TNRC6B: variants seen among roughly 807,000 people sequenced by gnomAD.
TNRC6B encodes the protein trinucleotide repeat-containing gene 6B protein.
TNRC6B carries 52 observed loss-of-function variants against 203.6 expected under a neutral mutation model. That is an observed-to-expected ratio of 0.26 (90% CI 0.20 to 0.32). The LOEUF (loss-of-function observed/expected upper bound fraction) is 0.32. Among genes scored for constraint, TNRC6B ranks in the 10% least tolerant of loss-of-function variants. The pLI is 1.00. For missense variants in TNRC6B, 1,923 were observed against 2,286.2 expected, an observed-to-expected ratio of 0.84 and a Z score of 3.24; for synonymous variants, 838 against 845.7, an observed-to-expected ratio of 0.99 and a Z score of 0.16.
At chr22:40,103,111 T>A (rs937806297) in intron 1 of TNRC6B, among the ~76,000 whole-genome samples, 1 of 150,848 alleles carries the variant, frequency 6.6e-6, no homozygotes, top group African/African-American at 2.4e-5. Context: ...ATAAATTAAT[T>A]AATTAATTTA....
chr22:40,196,045 G>A (rs987715325), intron 1 of TNRC6B, among the ~76,000 whole-genome samples: 1 of 150,148 alleles, frequency 6.7e-6, no homozygotes, highest in African/African-American at 2.5e-5. Context: ...CCAAAGTCCT[G>A]GGATTACAGG....
intron 1 of TNRC6B, among the ~76,000 whole-genome samples, chr22:40,080,174 C>T (rs550237331): frequency 4.0e-5 from 6 of 149,168 alleles, no homozygotes; most frequent in African/African-American, 1.5e-4. Context: ...GACTCTTGGC[C>T]GTAAGTGATC....
chr22:40,278,147 A>G (rs2146518926), intron 9 of TNRC6B, 103 bp downstream of exon 9: 1 of 874,494 alleles, frequency 1.1e-6, no homozygotes, highest in Non-Finnish European at 1.9e-6. Context: ...TTCAGTAGAC[A>G]TTGATTGAGC....
chr22:40,301,006 G>A lies in TNRC6B; in HGVS notation c.3936+1G>A. The A allele has an allele frequency of 6.2e-7, 1 of 1,611,658 alleles. No homozygotes were observed. The highest frequency in any genetic ancestry group is 8.5e-7 in the Non-Finnish European group (1 of 1,178,836). ...TGTACGCCAACAGCAAGAGCAGCAG[G>A]TACGTGGGTAGGCAGGGTCCCTCCA... On this transcript the variant is annotated splice_donor_variant, in intron 14 of 22. Coordinates refer to ENST00000454349, the MANE Select transcript of TNRC6B (RefSeq NM_001162501.2). LOFTEE classifies it high-confidence loss of function.
intron 1 of TNRC6B, among the ~76,000 whole-genome samples, chr22:40,203,144 ATGT>A (rs1345844576): frequency 6.6e-6 from 1 of 152,128 alleles, no homozygotes; most frequent in East Asian, 1.9e-4. Flanking sequence ...TGGTGATCAC[ATGT>A]TGGTGAGCAA....
rs2071025306 is a variant in TNRC6B at position 40,301,644 on chromosome 22, A to G, written c.4120+311A>G. 4 of 336,338 alleles carry G rather than the reference A, an allele frequency of 1.2e-5. No homozygotes were observed. The South Asian group carries it at 1.9e-4, about 16-fold the overall frequency. The allele number at this position is 336,338 out of a possible 1,614,324, so 20.8% of individuals were successfully genotyped here. On this transcript the variant is annotated intron_variant, in intron 15 of 22. Coordinates refer to ENST00000454349, the MANE Select transcript of TNRC6B (RefSeq NM_001162501.2). The stretch of plus-strand genomic sequence containing the variant: ...AACACAGTAAAGGCTCATACATGCT[A>G]TAGCACATATCAGAATTCATCCCTT...
At chr22:40,113,492 C>T (rs2068359439) in intron 1 of TNRC6B, among the ~76,000 whole-genome samples, 1 of 152,076 alleles carries the variant, frequency 6.6e-6, no homozygotes, top group African/African-American at 2.4e-5. Context: ...GTAGGTGGGA[C>T]TACAGGTGCA....
intron 1 of TNRC6B, among the ~76,000 whole-genome samples, chr22:40,099,296 A>G (rs1030909171): frequency 2.0e-5 from 3 of 152,052 alleles, no homozygotes; most frequent in African/African-American, 7.2e-5. Flanking sequence ...TAAGGAATAT[A>G]TAGCTTCCTG....
chr22:40,276,962 G>A, intron 7 of TNRC6B, 115 bp from the exon 8 acceptor site: 1 of 616,818 alleles, frequency 1.6e-6, no homozygotes, highest in Non-Finnish European at 2.6e-6. Context: ...TTTAGTTAAA[G>A]AGAAATAGGA....
intron 1 of TNRC6B, among the ~76,000 whole-genome samples, chr22:40,194,664 ATGCCTAACATCTCACAAT>A (rs758260315): frequency 2.6e-5 from 4 of 152,206 alleles, no homozygotes; most frequent in Non-Finnish European, 5.9e-5. Context: ...GGAAACAAAG[ATGCCTAACATCTCACAAT>A]TGGGAAAGGC....
intron 3 of TNRC6B, among the ~76,000 whole-genome samples, chr22:40,145,089 T>A (rs10222231): frequency 1.8e-4 from 21 of 118,262 alleles, no homozygotes; most frequent in African/African-American, 6.0e-4. Flanking sequence ...AAAAAAAAAT[T>A]TTTTTAATTA....
At chr22:40,197,677 C>G (rs905194584) in intron 1 of TNRC6B, among the ~76,000 whole-genome samples, 1 of 149,282 alleles carries the variant, frequency 6.7e-6, no homozygotes, top group African/African-American at 2.5e-5. Context: ...ATTCATAGTT[C>G]AGTGCAGCCT....
intron 1 of TNRC6B, among the ~76,000 whole-genome samples, chr22:40,114,357 G>T (rs4821926): frequency 0.022 from 3,421 of 152,162 alleles, 62 homozygotes; most frequent in Admixed American, 0.052. Context: ...GTCTTACTGT[G>T]TCATCCAAGC....
intron 3 of TNRC6B, among the ~76,000 whole-genome samples, chr22:40,260,854 C>T (rs575205252): frequency 2.0e-5 from 3 of 152,260 alleles, no homozygotes; most frequent in East Asian, 3.9e-4. Flanking sequence ...CACTGTCAGC[C>T]GCCACCTTCA....
intron 1 of TNRC6B, among the ~76,000 whole-genome samples, chr22:40,102,495 C>T (rs1394770758): frequency 1.3e-5 from 2 of 152,144 alleles, no homozygotes; most frequent in Non-Finnish European, 2.9e-5. Context: ...TTTGGCCTCA[C>T]ATGTGTGGAT....
intron 1 of TNRC6B, among the ~76,000 whole-genome samples, chr22:40,061,203 C>T (rs1201647308): frequency 2.0e-5 from 3 of 152,036 alleles, no homozygotes; most frequent in Non-Finnish European, 2.9e-5. Context: ...AACGTATGTC[C>T]GCTGTTGTTG....
chr22:40,310,558 T>G (rs1378931941), intron 16 of TNRC6B, among the ~76,000 whole-genome samples: 1 of 152,158 alleles, frequency 6.6e-6, no homozygotes, highest in Non-Finnish European at 1.5e-5. Flanking sequence ...ATTTTAAAAC[T>G]GAAAGGAACA....
chr22:40,266,962 A>T lies in TNRC6B; in HGVS notation c.2732A>T (p.Asp911Val). ...SYNYKNVNLWDKNSQGGPAPR... is the reference protein window; with the variant it reads ...SYNYKNVNLWVKNSQGGPAPR... The stretch of plus-strand genomic sequence containing the variant: ...AACTACAAGAATGTGAATCTGTGGG[A>T]TAAGAATTCCCAAGGGGGCCCAGCA... The change falls in exon 5 of 23, where the codon GAT becomes GTT. Residue 911 changes from aspartate (D) to valine (V), a missense_variant. Physicochemically the swap from Asp to Val is radical, Grantham distance 152. Coordinates refer to ENST00000454349, the MANE Select transcript of TNRC6B (RefSeq NM_001162501.2). 1.2e-6 allele frequency: 2 copies of T among 1,613,468 alleles called. No individual in the cohort carries two copies. The highest frequency in any genetic ancestry group is 1.7e-6 in the Non-Finnish European group (2 of 1,179,676).
upstream of TNRC6B, among the ~76,000 whole-genome samples, chr22:40,176,306 T>C (rs940773233): frequency 3.3e-5 from 5 of 152,184 alleles, no homozygotes; most frequent in East Asian, 9.7e-4. Flanking sequence ...TTTGTATTTT[T>C]AGTAGAGACG....
Sources: allele counts gnomAD v4.1 joint callset (sites outside exome capture counted in the v4.1 genomes callset), GRCh38; gene constraint gnomAD v4.1.1; transcripts MANE v1.5; gene names NCBI Gene and HGNC (gene_info 2026-07-23, HGNC 2026-07-21).